The following EHBP1L1 variants were observed in gnomAD, a reference collection of about 807,000 sequenced individuals.
EHBP1L1 encodes EH domain-binding protein 1-like protein 1.
EHBP1L1 carries 122 observed loss-of-function variants against 151.1 expected under a neutral mutation model. That is an observed-to-expected ratio of 0.81 (90% CI 0.70 to 0.94). EHBP1L1 has a LOEUF of 0.94. Among genes scored for constraint, EHBP1L1 ranks in the 40% least tolerant of loss-of-function variants. EHBP1L1 has a pLI of 0.00. For synonymous variants in EHBP1L1, 878 were observed against 810.1 expected, an observed-to-expected ratio of 1.08 and a Z score of -1.42; for missense variants, 1,941 against 1,959.8, an observed-to-expected ratio of 0.99 and a Z score of 0.18.
chr11:65,591,400 C>A (rs975096677), intron 16 of EHBP1L1: 1 of 327,646 alleles, frequency 3.1e-6, no homozygotes, highest in African/African-American at 2.2e-5. Context: ...GAGATCTGAT[C>A]TGGTTCCCAT....
rs1857636073 is a variant in EHBP1L1, at chr11:65,582,004, G to A, written c.1332G>A (p.Gly444=). ...HVDTKGPEAT[G]VMPEARCRGT... ...ACACTAAGGGACCAGAGGCGACAGG[G>A]GTGATGCCTGAGGCAAGATGCAGGG... Residue 444 remains glycine (G), a synonymous_variant, in exon 9 of 19, where the codon GGG becomes GGA. Transcript: ENST00000309295. The A allele has an allele frequency of 2.5e-6, 4 of 1,613,776 alleles. No homozygotes were observed.
In EHBP1L1 at chr11:65,576,551, G is replaced by A. The variant is rs985424618; in HGVS notation, c.104+145G>A. 14 of 731,816 alleles carry A rather than the reference G, an allele frequency of 1.9e-5. No individual in the cohort carries two copies. The Admixed American group carries it at 2.1e-4, about 11-fold the overall frequency. The allele number at this position is 731,816 out of a possible 1,614,324, so 45.3% of individuals were successfully genotyped here. Reference sequence around the variant, plus strand: ...GGGCCCTGGTTCCGTTCCCAGGCTCGGAGATTCAGAAGTGCCCTTGCAATT... The same window carrying A: ...GGGCCCTGGTTCCGTTCCCAGGCTCAGAGATTCAGAAGTGCCCTTGCAATT... On this transcript the variant is annotated intron_variant, in intron 1 of 18. Transcript: ENST00000309295.
Position 65,592,290 on chromosome 11 carries a change from C to T in EHBP1L1, c.4560C>T (p.Cys1520=), listed in dbSNP as rs1313561193. ...LSRQLSRRER[C]VLS ...GGCAGTTGAGCCGGCGGGAGCGCTGCGTGCTGAGCTGAGGCCGCCGGCCCG... is the reference window on the plus strand; with the variant it reads ...GGCAGTTGAGCCGGCGGGAGCGCTGTGTGCTGAGCTGAGGCCGCCGGCCCG... Residue 1520 remains cysteine, a synonymous_variant, in exon 19 of 19, where the codon TGC becomes TGT. Transcript: ENST00000309295. 1.3e-6 allele frequency: 2 copies of T among 1,515,812 alleles called. No homozygotes were observed. Among genetic ancestry groups the T allele is most frequent in the South Asian group, 1.2e-5 (1 of 82,272 alleles). 93.9% of individuals were successfully genotyped at this position (1,515,812 alleles called of 1,614,324 possible).
chr11:65,581,660 G>C lies in EHBP1L1; in HGVS notation c.988G>C (p.Ala330Pro), dbSNP rs1383238191. ...GEDEVPKASG[A>P]PPAGLGSARE... ...AGATGAGGTCCCCAAAGCCTCAGGG[G>C]CTCCTCCAGCAGGATTGGGCTCTGC... The change falls in exon 9 of 19, where the codon GCT becomes CCT. Residue 330 changes from alanine (A) to proline (P), a missense_variant. By Grantham distance (27) the Ala-to-Pro change is conservative (BLOSUM62 -1). Coordinates refer to ENST00000309295, the MANE Select transcript of EHBP1L1 (RefSeq NM_001099409.3). The C allele has an allele frequency of 1.9e-6, 3 of 1,562,316 alleles. No homozygotes were observed. The highest frequency in any genetic ancestry group is 1.9e-5 in the Admixed American group (1 of 52,096).
At position 65,583,208 on chromosome 11, in the gene EHBP1L1, G is replaced by A; in HGVS notation, c.2536G>A (p.Val846Ile). The change falls in exon 9 of 19, where the codon GTC becomes ATC. Residue 846 changes from valine to isoleucine, a missense_variant. Val to Ile is a conservative substitution (Grantham distance 29). Coordinates refer to ENST00000309295, the MANE Select transcript of EHBP1L1 (RefSeq NM_001099409.3). ...GGTAGCTGGGGCCCAGGAGACAGAG[G>A]TCGGGGGTTCAGGGATCTCAGGGCC... ...SEVAGAQETE[V>I]GGSGISGPEA... 6.2e-7 allele frequency: 1 copy of A among 1,613,282 alleles called. No homozygotes were observed. Among genetic ancestry groups the A allele is most frequent in the South Asian group, 1.1e-5 (1 of 91,078 alleles).
Position 65,581,317 on chromosome 11 carries a change from G to C in EHBP1L1, c.810G>C (p.Ala270=). 7 of 1,610,130 alleles carry C rather than the reference G, an allele frequency of 4.3e-6. No homozygotes were observed. The highest frequency in any genetic ancestry group is 2.2e-5 in the South Asian group (2 of 90,912). Residue 270 remains alanine, a synonymous_variant, in exon 8 of 19, where the codon GCG becomes GCC. Transcript: ENST00000309295. ...RGQGSERANE[A]GGQVGPEAPR... ...AGGGGTCAGAACGAGCTAATGAAGC[G>C]GGGGGCCAGGTAGGCCCTGAGGCCC...
Position 65,585,345 on chromosome 11 carries a change from G to A in EHBP1L1, c.3687G>A (p.Ser1229=). The change falls in exon 12 of 19, where the codon TCG becomes TCA. Residue 1229 remains serine, a synonymous_variant. Transcript: ENST00000309295. The surrounding 1 kb of genome is among the most constrained non-coding windows in gnomAD (Gnocchi z 4.0). ...GCGGGGCCGAGGCCCCCCGAGAGTC[G>A]CGACCCGCGGAGGTCCCGGCCGAGG... ...KDGGAEAPRE[S]RPAEVPAEGL... 3 of 1,123,030 alleles carry A rather than the reference G, an allele frequency of 2.7e-6. No individual in the cohort carries two copies. Among genetic ancestry groups the A allele is most frequent in the Non-Finnish European group, 3.3e-6 (3 of 918,320 alleles). 69.6% of individuals were successfully genotyped at this position (1,123,030 alleles called of 1,614,324 possible).
intron 12 of EHBP1L1, among the ~76,000 whole-genome samples, chr11:65,588,406 A>T (rs1184070673): frequency 6.6e-6 from 1 of 152,006 alleles, no homozygotes; most frequent in Non-Finnish European, 1.5e-5. Context: ...CTGAGGAGAG[A>T]TGTGAAACAG....
intron 6 of EHBP1L1, 172 bp from the exon 7 acceptor site, chr11:65,580,886 C>T (rs956826962): frequency 2.8e-5 from 39 of 1,417,514 alleles, no homozygotes; most frequent in Non-Finnish European, 3.4e-5. Flanking sequence ...GAGGTTCTCT[C>T]TCTCTTTCTC....
chr11:65,576,801 C>G (rs979112692), intron 1 of EHBP1L1, among the ~76,000 whole-genome samples: 4 of 151,308 alleles, frequency 2.6e-5, no homozygotes, highest in African/African-American at 9.7e-5. Context: ...GCCTCCCTGA[C>G]CTTACTTAGT....
At position 65,589,916 on chromosome 11, in the gene EHBP1L1, A is replaced by C; in HGVS notation, c.4004-20A>C. 1 of 1,546,466 alleles carries C rather than the reference A, an allele frequency of 6.5e-7. No individual in the cohort carries two copies. Among genetic ancestry groups the C allele is most frequent in the East Asian group, 2.3e-5 (1 of 43,186 alleles). On this transcript the variant is annotated intron_variant, in intron 13 of 18. Coordinates refer to ENST00000309295, the MANE Select transcript of EHBP1L1 (RefSeq NM_001099409.3). ...GTGGGTGGTGGTTAGGGGGTGCCTTATCATCATCTCTGTCTGCAGGTGGGA... is the reference window on the plus strand; with the variant it reads ...GTGGGTGGTGGTTAGGGGGTGCCTTCTCATCATCTCTGTCTGCAGGTGGGA...
At position 65,589,649 on chromosome 11, in the gene EHBP1L1, G is replaced by A. The variant is rs935898975; in HGVS notation, c.3934-102G>A. On this transcript the variant is annotated intron_variant, in intron 12 of 18. Transcript: ENST00000309295. ...GGGGCAGGGGCGGGCAGGAGCTGGG[G>A]TCAAGGACCCCTCCTCCCCTCTGTA... The A allele has an allele frequency of 1.3e-5, 18 of 1,433,290 alleles. No individual in the cohort carries two copies. The Admixed American group carries it at 2.9e-4, about 23-fold the overall frequency. 88.8% of individuals were successfully genotyped at this position (1,433,290 alleles called of 1,614,324 possible).
In EHBP1L1 at chr11:65,582,496, GGA is replaced by G; in HGVS notation, c.1827_1828del (p.Lys610ArgfsTer19). 8.7e-6 allele frequency: 14 copies of G among 1,613,260 alleles called. No homozygotes were observed. The highest frequency in any genetic ancestry group is 1.2e-5 in the Non-Finnish European group (14 of 1,179,832). On this transcript the variant is annotated frameshift_variant, in exon 9 of 19. Coordinates refer to ENST00000309295, the MANE Select transcript of EHBP1L1 (RefSeq NM_001099409.3). LOFTEE classifies it high-confidence loss of function. ...TLEIEILGAL[E>X]KEAARSRVLE... ...TAGAAATTGAGATATTGGGGGCCTT[GGA>G]GAAAGAAGCAGCAAGATCAAGGGTC...
rs753655586 is a variant in EHBP1L1 at position 65,582,716 on chromosome 11, T to A, written c.2044T>A (p.Ser682Thr). The stretch of plus-strand genomic sequence containing the variant: ...TGAGGTACTGGTGACCCAGGAGATA[T>A]CTGGGGATTTAGGGCCACTGAAGAT... The part of the protein sequence containing the change: ...ETEVLVTQEI[S>T]GDLGPLKIED... Residue 682 changes from serine to threonine, a missense_variant, in exon 9 of 19, where the codon TCT (serine) becomes ACT (threonine). Transcript: ENST00000309295. The A allele has an allele frequency of 1.7e-5, 27 of 1,613,154 alleles. No individual in the cohort carries two copies. In the Admixed American group the frequency reaches 3.5e-4, roughly 21 times the overall value.
In EHBP1L1 at chr11:65,581,745, T is replaced by C. The variant is rs561582407; in HGVS notation, c.1073T>C (p.Leu358Pro). ...QEGTEAHGAR[L>P]GPSIEDKGSG... ...GGGACAGAAGCCCATGGAGCTAGGC[T>C]GGGCCCGAGCATTGAGGATAAAGGT... Residue 358 changes from leucine (L) to proline (P), a missense_variant, in exon 9 of 19, where the codon CTG becomes CCG. Coordinates refer to ENST00000309295, the MANE Select transcript of EHBP1L1 (RefSeq NM_001099409.3). The C allele has an allele frequency of 1.2e-6, 2 of 1,605,456 alleles. No individual in the cohort carries two copies. Among genetic ancestry groups the C allele is most frequent in the African/African-American group, 2.7e-5 (2 of 74,900 alleles).
At position 65,589,827 on chromosome 11, in the gene EHBP1L1, A is replaced by G; in HGVS notation, c.4003+7A>G. On this transcript the variant is annotated splice_region_variant and intron_variant, in intron 13 of 18. Coordinates refer to ENST00000309295, the MANE Select transcript of EHBP1L1 (RefSeq NM_001099409.3). ...GACTCTCAACAGCCCCCTGGTGAGTAGCAGGAGTGGTGACCATCTCAGTTC... is the reference window on the plus strand; with the variant it reads ...GACTCTCAACAGCCCCCTGGTGAGTGGCAGGAGTGGTGACCATCTCAGTTC... 1 of 1,561,466 alleles carries G rather than the reference A, an allele frequency of 6.4e-7. No homozygotes were observed. The highest frequency in any genetic ancestry group is 8.7e-7 in the Non-Finnish European group (1 of 1,152,776).
rs1322909117 is a variant in EHBP1L1, at chr11:65,581,621, G to C, written c.949G>C (p.Val317Leu). The change falls in exon 9 of 19, where the codon GTC (valine) becomes CTC (leucine). Residue 317 changes from valine to leucine, a missense_variant. Coordinates refer to ENST00000309295, the MANE Select transcript of EHBP1L1 (RefSeq NM_001099409.3). ...AGGCTCTGATGCCCTCCGGCCCCCA[G>C]TCCCCCAGGGGGAAGATGAGGTCCC... ...RKGSDALRPPVPQGEDEVPKA... is the reference protein window; with the variant it reads ...RKGSDALRPPLPQGEDEVPKA... The C allele has an allele frequency of 1.9e-6, 3 of 1,541,890 alleles. No individual in the cohort carries two copies. The South Asian group carries it at 3.6e-5, about 19-fold the overall frequency.
Position 65,590,608 on chromosome 11 carries a change from G to C in EHBP1L1, c.4283+16G>C. ...TGCAGCTGCTGTGAGTGCTGGCCCCGGGCCAGGAGAGCAGAGGGACTCTTA... is the reference window on the plus strand; with the variant it reads ...TGCAGCTGCTGTGAGTGCTGGCCCCCGGCCAGGAGAGCAGAGGGACTCTTA... On this transcript the variant is annotated intron_variant, in intron 16 of 18. Coordinates refer to ENST00000309295, the MANE Select transcript of EHBP1L1 (RefSeq NM_001099409.3). 1.2e-6 allele frequency: 2 copies of C among 1,611,356 alleles called. No homozygotes were observed. The highest frequency in any genetic ancestry group is 1.7e-6 in the Non-Finnish European group (2 of 1,178,704).
In EHBP1L1 at chr11:65,592,278, G is replaced by A. The variant is rs1280317273; in HGVS notation, c.4548G>A (p.Arg1516=). The A allele has an allele frequency of 1.3e-6, 2 of 1,530,442 alleles. No individual in the cohort carries two copies. Among genetic ancestry groups the A allele is most frequent in the Non-Finnish European group, 1.7e-6 (2 of 1,144,778 alleles). The allele number at this position is 1,530,442 out of a possible 1,614,324, so 94.8% of individuals were successfully genotyped here. A position where few individuals can be genotyped will look rare whatever the true frequency, so the allele number is the denominator to read the frequency against. ...GCAAGCTGAGCCGGCAGTTGAGCCG[G>A]CGGGAGCGCTGCGTGCTGAGCTGAG... is the stretch of plus-strand genomic sequence containing the variant. ...RRRKLSRQLS[R]RERCVLS The change falls in exon 19 of 19, where the codon CGG becomes CGA. Residue 1516 remains arginine, a synonymous_variant. Coordinates refer to ENST00000309295, the MANE Select transcript of EHBP1L1 (RefSeq NM_001099409.3).
Sources: gnomAD v4.1 joint callset for allele counts (sites outside exome capture counted in the v4.1 genomes callset) on GRCh38, gnomAD v4.1.1 for gene constraint, Gnocchi (gnomAD v3.1) non-coding constraint, MANE v1.5 for transcripts, NCBI Gene and HGNC (gene_info 2026-07-23, HGNC 2026-07-21) for gene names.